MICAL2: variants seen among roughly 807,000 people sequenced by gnomAD.
The protein encoded by MICAL2 is [F-actin]-monooxygenase MICAL2.
Under a neutral mutation model 127.3 loss-of-function variants are expected in MICAL2, and 77 were observed. That is an observed-to-expected ratio of 0.60 (90% confidence interval 0.50 to 0.73). The LOEUF (loss-of-function observed/expected upper bound fraction) is 0.73, where lower values mean the gene tolerates loss of function less well. Ranked by LOEUF, MICAL2 falls within the 30% of genes least tolerant of loss-of-function variation. The pLI, the probability that MICAL2 is intolerant of heterozygous loss-of-function variation, is 0.00. For missense variants in MICAL2, 1,351 were observed against 1,434.4 expected, an observed-to-expected ratio of 0.94 and a Z score of 0.94; for synonymous variants, 570 against 551.1, an observed-to-expected ratio of 1.03 and a Z score of -0.48.
At chr11:12,129,726 G>A (rs1004166976) in intron 1 of MICAL2, among the ~76,000 whole-genome samples, 12 of 130,542 alleles carry the variant, frequency 9.2e-5, no homozygotes, top group African/African-American at 3.5e-4. Flanking sequence ...TTATTTATAT[G>A]AGACAGGGTC....
chr11:12,215,363 C>T (rs760734095), intron 7 of MICAL2, among the ~76,000 whole-genome samples: 3 of 152,216 alleles, frequency 2.0e-5, no homozygotes, highest in East Asian at 1.9e-4. Context: ...TTACCCAGCA[C>T]GCCTTGTGTA....
chr11:12,234,178 A>G (rs1188654288), intron 15 of MICAL2, among the ~76,000 whole-genome samples: 1 of 152,114 alleles, frequency 6.6e-6, no homozygotes, highest in East Asian at 1.9e-4. Flanking sequence ...CATGGCTAAT[A>G]TGGCTGTCTT....
intron 2 of MICAL2, among the ~76,000 whole-genome samples, chr11:12,143,795 A>C (rs1852592163): frequency 6.6e-6 from 1 of 152,256 alleles, no homozygotes; most frequent in African/African-American, 2.4e-5. Context: ...TTAAAAATAA[A>C]GACCAACAAA....
At chr11:12,126,028 C>A (rs1246757721) in intron 1 of MICAL2, among the ~76,000 whole-genome samples, 1 of 152,176 alleles carries the variant, frequency 6.6e-6, no homozygotes, top group Non-Finnish European at 1.5e-5. Flanking sequence ...CTGGCTGGTC[C>A]CAGCCCACTT....
intron 29 of MICAL2, among the ~76,000 whole-genome samples, chr11:12,304,687 C>G (rs1864088805): frequency 6.9e-6 from 1 of 144,900 alleles, no homozygotes; most frequent in Admixed American, 7.0e-5. Context: ...CACACACACA[C>G]ACACACAAAA....
At chr11:12,137,387 C>A (rs1307923629) in intron 1 of MICAL2, among the ~76,000 whole-genome samples, 3 of 152,224 alleles carry the variant, frequency 2.0e-5, no homozygotes, top group African/African-American at 7.2e-5. Context: ...TCCTGCCTTG[C>A]TGTAGGGGCT....
chr11:12,307,558 C>T (rs776155837), intron 29 of MICAL2, among the ~76,000 whole-genome samples: 6 of 152,156 alleles, frequency 3.9e-5, no homozygotes, highest in African/African-American at 7.2e-5. Flanking sequence ...TCTAGATTTT[C>T]GGCTTCAGCC....
chr11:12,342,292 A>G (rs906862997), intron 32 of MICAL2, among the ~76,000 whole-genome samples: 6 of 152,366 alleles, frequency 3.9e-5, no homozygotes, highest in African/African-American at 1.4e-4. Flanking sequence ...CAGCTATGGG[A>G]CCAGATGGAG....
chr11:12,220,565 C>T (rs1856700994), intron 9 of MICAL2, 107 bp downstream of exon 9: 1 of 1,449,072 alleles, frequency 6.9e-7, no homozygotes, highest in African/African-American at 1.4e-5. Context: ...GACAGGCTCT[C>T]AGCCAGTTGG....
chr11:12,236,094 C>A, intron 15 of MICAL2, 83 bp from the exon 16 acceptor site: 1 of 1,227,934 alleles, frequency 8.1e-7, no homozygotes, highest in Non-Finnish European at 1.2e-6. Context: ...AGCTCAAAGC[C>A]AGCCCTATGC....
chr11:12,205,142 A>T (rs945906849), intron 4 of MICAL2, among the ~76,000 whole-genome samples: 2 of 152,214 alleles, frequency 1.3e-5, no homozygotes, highest in African/African-American at 4.8e-5. Flanking sequence ...TGTGGACTTC[A>T]GGTCCTGGGC....
At chr11:12,347,312 C>G (rs73424830) in intron 32 of MICAL2, among the ~76,000 whole-genome samples, 14 of 152,274 alleles carry the variant, frequency 9.2e-5, no homozygotes, top group African/African-American at 3.4e-4. Context: ...TTCTAATATT[C>G]TATTTTATTC....
chr11:12,320,403 CATTTT>C (rs909680074), intron 30 of MICAL2, among the ~76,000 whole-genome samples: 1 of 152,140 alleles, frequency 6.6e-6, no homozygotes, highest in Non-Finnish European at 1.5e-5. Context: ...AAAACACAAA[CATTTT>C]ATATGTTTAT....
chr11:12,213,307 CTT>C lies in MICAL2; in HGVS notation c.745_746del (p.Phe249HisfsTer15), dbSNP rs748916644. ...GKLAIAITANFINRNSTAEAK... is the reference protein window; with the variant it reads ...GKLAIAITANXINRNSTAEAK... Reference sequence around the variant, plus strand: ...AGCTGGCGATTGCCATCACCGCCAACTTCATAAACAGAAACAGCACAGCGGAA... The same window carrying C: ...AGCTGGCGATTGCCATCACCGCCAACCATAAACAGAAACAGCACAGCGGAA... On this transcript the variant is annotated frameshift_variant, in exon 7 of 28. Transcript: ENST00000683283. LOFTEE classifies it high-confidence loss of function. The C allele has an allele frequency of 6.2e-7, 1 of 1,613,736 alleles. No individual in the cohort carries two copies. The highest frequency in any genetic ancestry group is 1.3e-5 in the African/African-American group (1 of 75,060).
chr11:12,260,362 CCAGGGATGA>C (rs1862938865), intron 26 of MICAL2: 1 of 1,308,848 alleles, frequency 7.6e-7, no homozygotes, highest in African/African-American at 1.5e-5. Context: ...GGTGCTAGGG[CCAGGGATGA>C]TATGAAGGAT....
chr11:12,355,728 C>G (rs1438922690), intron 34 of MICAL2, among the ~76,000 whole-genome samples: 1 of 152,148 alleles, frequency 6.6e-6, no homozygotes, highest in Non-Finnish European at 1.5e-5. Flanking sequence ...ATTTAAATCC[C>G]ATGCTCAAGG....
At chr11:12,249,459 C>A (rs1034686153) in intron 22 of MICAL2, among the ~76,000 whole-genome samples, 1 of 152,230 alleles carries the variant, frequency 6.6e-6, no homozygotes, top group Non-Finnish European at 1.5e-5. Flanking sequence ...AATTTCCAGA[C>A]ACCCTTGAAC....
intron 15 of MICAL2, among the ~76,000 whole-genome samples, chr11:12,234,481 A>T (rs1858750802): frequency 6.6e-6 from 1 of 152,166 alleles, no homozygotes; most frequent in African/African-American, 2.4e-5. Context: ...AAATAAGATC[A>T]TCTGTTTCTC....
At chr11:12,164,080 A>G (rs2133819701) in intron 3 of MICAL2, among the ~76,000 whole-genome samples, 1 of 152,202 alleles carries the variant, frequency 6.6e-6, no homozygotes. Flanking sequence ...CGGAGGGCTG[A>G]CCACCAAGAA....
Sources: allele counts gnomAD v4.1 joint callset (sites outside exome capture counted in the v4.1 genomes callset), GRCh38; gene constraint gnomAD v4.1.1; transcripts MANE v1.5; gene names NCBI Gene and HGNC (gene_info 2026-07-23, HGNC 2026-07-21).